Variants in HMBOX1 observed in about 807,000 individuals in gnomAD.
HMBOX1 encodes homeobox-containing protein 1.
HMBOX1 carries 14 observed loss-of-function variants against 54.5 expected under a neutral mutation model. That is an observed-to-expected ratio of 0.26 (90% CI 0.17 to 0.40). HMBOX1 has a LOEUF of 0.40. Among genes scored for constraint, HMBOX1 ranks in the 10% least tolerant of loss-of-function variants. The pLI is 1.00. For missense variants in HMBOX1, 332 were observed against 514.4 expected (o/e 0.65, Z 3.43); for synonymous variants, 160 against 181.0 (o/e 0.88, Z 0.93).
At chr8:28,978,192 A>G (rs1394473631) in intron 3 of HMBOX1, among the ~76,000 whole-genome samples, 1 of 152,210 alleles carries the variant, frequency 6.6e-6, no homozygotes, top group Non-Finnish European at 1.5e-5. Context: ...CAAAGGGAGC[A>G]TGGTCTTACA....
chr8:28,947,798 G>A (rs1031168030), intron 1 of HMBOX1, among the ~76,000 whole-genome samples: 34 of 152,008 alleles, frequency 2.2e-4, no homozygotes, highest in African/African-American at 7.7e-4. Flanking sequence ...ATGTTCTCAC[G>A]TTACTTTGTT....
intron 4 of HMBOX1, among the ~76,000 whole-genome samples, chr8:28,986,890 A>G (rs1830246424): frequency 6.6e-6 from 1 of 152,096 alleles, no homozygotes; most frequent in Non-Finnish European, 1.5e-5. Context: ...ACCAGCCTTC[A>G]CCACATCCAA....
At chr8:28,965,914 G>A (rs1826355866) in intron 2 of HMBOX1, among the ~76,000 whole-genome samples, 1 of 152,092 alleles carries the variant, frequency 6.6e-6, no homozygotes, top group Non-Finnish European at 1.5e-5. Context: ...ACCCTAGAGT[G>A]TGTTAAATTA....
At chr8:28,907,793 C>T (rs912465210) in intron 1 of HMBOX1, among the ~76,000 whole-genome samples, 1 of 151,736 alleles carries the variant, frequency 6.6e-6, no homozygotes, top group Non-Finnish European at 1.5e-5. Flanking sequence ...CATTGACATA[C>T]ATTTGGGACA....
At chr8:28,927,055 A>G (rs1048093191) in intron 1 of HMBOX1, among the ~76,000 whole-genome samples, 2 of 152,236 alleles carry the variant, frequency 1.3e-5, no homozygotes, top group African/African-American at 4.8e-5. Context: ...GAAAGAATGA[A>G]TAAGACCTAG....
chr8:28,988,082 ATTG>A (rs1459274475), intron 4 of HMBOX1, among the ~76,000 whole-genome samples: 2 of 152,144 alleles, frequency 1.3e-5, no homozygotes, highest in Admixed American at 6.6e-5. Context: ...GCAGTCAAAT[ATTG>A]TTCTCCCACC....
intron 1 of HMBOX1, among the ~76,000 whole-genome samples, chr8:28,915,294 A>G (rs973025575): frequency 1.3e-5 from 2 of 152,138 alleles, no homozygotes; most frequent in Admixed American, 6.5e-5. Flanking sequence ...GCCGTGGCTC[A>G]CGCCTGTAAT....
chr8:28,965,453 A>G (rs900793501), intron 2 of HMBOX1, among the ~76,000 whole-genome samples: 2 of 152,226 alleles, frequency 1.3e-5, no homozygotes, highest in African/African-American at 2.4e-5. Context: ...GAATACACTC[A>G]ATAGATGAGG....
intron 1 of HMBOX1, among the ~76,000 whole-genome samples, chr8:28,901,331 A>G (rs947608127): frequency 2.0e-5 from 3 of 152,020 alleles, no homozygotes; most frequent in Admixed American, 2.0e-4. Context: ...TTTTTTCTAT[A>G]CAAGTGTTTC....
At chr8:28,943,023 G>A (rs1216204940) in intron 1 of HMBOX1, among the ~76,000 whole-genome samples, 1 of 152,064 alleles carries the variant, frequency 6.6e-6, no homozygotes, top group Non-Finnish European at 1.5e-5. Context: ...TGCTTTTTGT[G>A]AACCGCTTCT....
intron 1 of HMBOX1, among the ~76,000 whole-genome samples, chr8:28,909,259 T>C (rs547258219): frequency 6.6e-6 from 1 of 152,318 alleles, no homozygotes; most frequent in South Asian, 2.1e-4. Context: ...TTGAGCAATG[T>C]TTTTTGAACT....
intron 1 of HMBOX1, among the ~76,000 whole-genome samples, chr8:28,896,524 T>G (rs1253711461): frequency 6.7e-6 from 1 of 148,902 alleles, no homozygotes; most frequent in Non-Finnish European, 1.5e-5. Flanking sequence ...GATCAGTAAT[T>G]TCACTCTTTG....
chr8:28,989,397 T>C (rs1830642620), intron 4 of HMBOX1, among the ~76,000 whole-genome samples: 1 of 152,216 alleles, frequency 6.6e-6, no homozygotes, highest in Non-Finnish European at 1.5e-5. Flanking sequence ...TTAATTTTTG[T>C]GTTGAGATAA....
At chr8:28,896,270 T>C (rs1812093864) in intron 1 of HMBOX1, among the ~76,000 whole-genome samples, 1 of 152,214 alleles carries the variant, frequency 6.6e-6, no homozygotes, top group Non-Finnish European at 1.5e-5. Flanking sequence ...ACTGTAACTT[T>C]TCCCCAGTTT....
intron 2 of HMBOX1, among the ~76,000 whole-genome samples, chr8:28,968,218 G>A (rs1182329818): frequency 6.6e-6 from 1 of 152,124 alleles, no homozygotes; most frequent in Non-Finnish European, 1.5e-5. Context: ...TACTTGTTAA[G>A]TCAATAAAAA....
intron 2 of HMBOX1, 51 bp downstream of exon 2, chr8:28,963,941 G>C: frequency 1.5e-6 from 2 of 1,372,078 alleles, no homozygotes; most frequent in Admixed American, 1.7e-5. Flanking sequence ...TTTTAGTAAA[G>C]TTAAGATGTC....
intron 4 of HMBOX1, among the ~76,000 whole-genome samples, chr8:28,995,165 C>T (rs1321050449): frequency 6.6e-6 from 1 of 152,110 alleles, no homozygotes; most frequent in African/African-American, 2.4e-5. Context: ...AATTTCCAGT[C>T]CCCCAGTCCT....
At chr8:28,910,531 C>T (rs1402729929) in intron 1 of HMBOX1, among the ~76,000 whole-genome samples, 3 of 152,190 alleles carry the variant, frequency 2.0e-5, no homozygotes, top group African/African-American at 4.8e-5. Context: ...GCAGTTTCTT[C>T]ACATCCTTGT....
chr8:29,048,691 C>T, intron 8 of HMBOX1: 1 of 361,924 alleles, frequency 2.8e-6, no homozygotes, highest in Non-Finnish European at 5.1e-6. Flanking sequence ...GATAGGAAGA[C>T]TGTTTAGTTA....
Sources: gnomAD v4.1 joint callset for allele counts (sites outside exome capture counted in the v4.1 genomes callset) on GRCh38, gnomAD v4.1.1 for gene constraint, MANE v1.5 for transcripts, NCBI Gene and HGNC (gene_info 2026-07-23, HGNC 2026-07-21) for gene names.